MATR3: variants seen among roughly 807,000 people sequenced by gnomAD.
The protein encoded by MATR3 is matrin-3.
In MATR3, 4 loss-of-function variants were observed where a neutral mutation model predicts 85.5. The ratio of observed to expected loss-of-function variants is 0.05; its 90% CI spans 0.02 to 0.11. The LOEUF (loss-of-function observed/expected upper bound fraction) is 0.11. Among genes scored for constraint, MATR3 ranks in the 10% least tolerant of loss-of-function variants. MATR3 has a pLI of 1.00. For synonymous variants in MATR3, 336 were observed against 343.1 expected, an observed-to-expected ratio of 0.98 and a Z score of 0.23; for missense variants, 685 against 1,016.1, an observed-to-expected ratio of 0.67 and a Z score of 4.43.
At chr5:139,274,402 C>T (rs1001267806) in intron 1 of MATR3, 3 of 255,126 alleles carry the variant, frequency 1.2e-5, no homozygotes, top group Admixed American at 4.8e-5. Context: ...CCTCGATCTC[C>T]CAGGGCCAGA....
At chr5:139,304,514 AAG>A (rs1307739669) in intron 1 of MATR3, among the ~76,000 whole-genome samples, 2 of 151,960 alleles carry the variant, frequency 1.3e-5, no homozygotes, top group Non-Finnish European at 2.9e-5. Context: ...AAAAAAAAAA[AAG>A]AATTTGGTTA....
upstream of MATR3, among the ~76,000 whole-genome samples, chr5:139,291,621 C>T (rs1753872473): frequency 6.6e-6 from 1 of 152,210 alleles, no homozygotes; most frequent in Non-Finnish European, 1.5e-5. Flanking sequence ...TCACCGCAAC[C>T]TCCGCCTCCC....
intron 3 of MATR3, chr5:139,283,296 C>T (rs1318648522): frequency 6.6e-6 from 1 of 152,210 alleles, no homozygotes; most frequent in Non-Finnish European, 1.5e-5. Flanking sequence ...GGTAGAACTT[C>T]TCCTTCTCAG....
intron 12 of MATR3, among the ~76,000 whole-genome samples, chr5:139,325,093 T>G (rs1399619251): frequency 1.3e-5 from 2 of 151,710 alleles, no homozygotes; most frequent in African/African-American, 2.4e-5. Context: ...CTCGGGAGGC[T>G]GAGGCAGGAG....
At chr5:139,293,865 G>A (rs1015409903) in intron 1 of MATR3, 60 bp downstream of exon 1, 107 of 647,192 alleles carry the variant, frequency 1.7e-4, no homozygotes, top group Non-Finnish European at 2.4e-4. Flanking sequence ...GTGTCCGCCG[G>A]GAGGGGACAA....
chr5:139,317,035 C>G lies in MATR3; in HGVS notation c.1130-18C>G, dbSNP rs1755284160. 6.2e-7 allele frequency: 1 copy of G among 1,607,502 alleles called. No homozygotes were observed. The highest frequency in any genetic ancestry group is 1.1e-5 in the South Asian group (1 of 90,634). On this transcript the variant is annotated intron_variant, in intron 5 of 14. Coordinates refer to ENST00000394805, the MANE Select transcript of MATR3 (RefSeq NM_018834.6). ...AGTATAGTGATTACAAGACTGAAAACTTTCTCTTCCCATAAAGGTGCTGGA... is the reference window on the plus strand; with the variant it reads ...AGTATAGTGATTACAAGACTGAAAAGTTTCTCTTCCCATAAAGGTGCTGGA...
At chr5:139,325,411 A>G (rs1359968237) in intron 12 of MATR3, 29 bp from the exon 13 acceptor site, 1 of 1,560,554 alleles carries the variant, frequency 6.4e-7, no homozygotes, top group South Asian at 1.2e-5. Context: ...TCTGGTGACA[A>G]AAATGATGAT....
chr5:139,319,888 T>TTTA (rs1425336363), intron 9 of MATR3, among the ~76,000 whole-genome samples: 17 of 106,378 alleles, frequency 1.6e-4, no homozygotes, highest in Non-Finnish European at 2.7e-4. Context: ...TTTTTTTTTT[T>TTTA]AAAGTATATC....
At chr5:139,327,232 CTG>C (rs1420012717) in intron 14 of MATR3, among the ~76,000 whole-genome samples, 1 of 151,160 alleles carries the variant, frequency 6.6e-6, no homozygotes, top group African/African-American at 2.4e-5. Context: ...GATATGTTCT[CTG>C]TTGACTAAAT....
In MATR3 at chr5:139,331,478, T is replaced by C. The variant is rs1448672130; in HGVS notation, c.*2083T>C. The C allele has an allele frequency of 2.2e-6, 1 of 454,110 alleles. No individual in the cohort carries two copies. The highest frequency in any genetic ancestry group is 6.9e-5 in the East Asian group (1 of 14,394). The allele number at this position is 454,110 out of a possible 1,614,324, so 28.1% of individuals were successfully genotyped here. On this transcript the variant is annotated 3_prime_UTR_variant, in exon 15 of 15. Transcript: ENST00000394805. ...TTTAATACCTACATTTGAGAGCATTTAGAAATCAGAAATTATAATAAGCTG... is the reference window on the plus strand; with the variant it reads ...TTTAATACCTACATTTGAGAGCATTCAGAAATCAGAAATTATAATAAGCTG...
chr5:139,298,068 G>T (rs1484567849), intron 1 of MATR3, among the ~76,000 whole-genome samples: 1 of 152,140 alleles, frequency 6.6e-6, no homozygotes, highest in Non-Finnish European at 1.5e-5. Context: ...ATATTAGGGA[G>T]CAGTATTATC....
chr5:139,307,517 G>C lies in MATR3; in HGVS notation c.102G>C (p.Gln34His), dbSNP rs747469006. 1 of 1,614,088 alleles carries C rather than the reference G, an allele frequency of 6.2e-7. No individual in the cohort carries two copies. Among genetic ancestry groups the C allele is most frequent in the Non-Finnish European group, 8.5e-7 (1 of 1,180,006 alleles). ...AGIGLLAAAT[Q>H]SLSMPASLGR... is the part of the protein sequence containing the mutation. ...TAGGCCTTCTTGCTGCTGCTACCCAGTCTTTAAGTATGCCAGCATCTCTTG... is the reference window on the plus strand; with the variant it reads ...TAGGCCTTCTTGCTGCTGCTACCCACTCTTTAAGTATGCCAGCATCTCTTG... Residue 34 changes from glutamine (Q) to histidine (H), a missense_variant, in exon 2 of 15, where the codon CAG (glutamine) becomes CAC (histidine). Physicochemically the swap from Gln to His is conservative, Grantham distance 24. Around this residue, in one of 9 missense-constraint regions of MATR3, gnomAD observed 30 missense variants for 69.5 expected, o/e 0.43. Transcript: ENST00000394805. This position sits in a 1 kb window ranked among gnomAD's most constrained non-coding sequence, Gnocchi z 4.4.
rs1215720434 is a variant in MATR3, at chr5:139,307,003, T to G, written c.-177-236T>G. 6.6e-6 allele frequency among the ~76,000 whole-genome samples: 1 copy of G among 152,210 alleles called. No homozygotes were observed. The highest frequency in any genetic ancestry group is 1.5e-5 in the Non-Finnish European group (1 of 68,040). ...CCTTTCAATTTACATGTTTTTAAAC[T>G]CAGTATGAAAGTCCCTTTAATAGTT... On this transcript the variant is annotated intron_variant, in intron 1 of 14. Coordinates refer to ENST00000394805, the MANE Select transcript of MATR3 (RefSeq NM_018834.6). The surrounding 1 kb of genome is among the most constrained non-coding windows in gnomAD (Gnocchi z 4.4).
intron 2 of MATR3, among the ~76,000 whole-genome samples, chr5:139,277,780 T>TA (rs397783890): frequency 2.1e-5 from 3 of 144,978 alleles, no homozygotes; most frequent in Admixed American, 6.8e-5. Context: ...TTTTTTTTTT[T>TA]AATTGACAGT....
At chr5:139,320,705 T>C (rs1454108244) in intron 9 of MATR3, among the ~76,000 whole-genome samples, 2 of 151,970 alleles carry the variant, frequency 1.3e-5, no homozygotes, top group Non-Finnish European at 2.9e-5. Flanking sequence ...TCCAGACTTT[T>C]ATTTTTCTTA....
chr5:139,321,306 C>T (rs1030714970), intron 9 of MATR3, among the ~76,000 whole-genome samples: 2 of 152,200 alleles, frequency 1.3e-5, no homozygotes, highest in East Asian at 3.9e-4. Flanking sequence ...GCACACTCCA[C>T]CAGGCCCAGC....
Position 139,331,003 on chromosome 5 carries a change from T to C in MATR3, c.*1608T>C. The C allele has an allele frequency of 2.2e-6, 1 of 454,070 alleles. No individual in the cohort carries two copies. The highest frequency in any genetic ancestry group is 4.4e-6 in the Non-Finnish European group (1 of 226,784). The allele number at this position is 454,070 out of a possible 1,614,324, so 28.1% of individuals were successfully genotyped here. A position where few individuals can be genotyped will look rare whatever the true frequency, so the allele number is the denominator to read the frequency against. On this transcript the variant is annotated 3_prime_UTR_variant, in exon 15 of 15. Coordinates refer to ENST00000394805, the MANE Select transcript of MATR3 (RefSeq NM_018834.6). ...ATGGGGCTTTGCCATGTTGCCCAGG[T>C]TGATCTTGAATTCCTGGGCCCAAGT...
intron 3 of MATR3, chr5:139,283,568 C>A (rs930885715): frequency 2.0e-5 from 3 of 152,324 alleles, no homozygotes; most frequent in Non-Finnish European, 2.9e-5. Flanking sequence ...TGACCTCCTT[C>A]TGATTTGTGT....
chr5:139,301,730 G>A (rs1754455304), intron 1 of MATR3, among the ~76,000 whole-genome samples: 1 of 152,162 alleles, frequency 6.6e-6, no homozygotes, highest in African/African-American at 2.4e-5. Flanking sequence ...TCAGGTACAC[G>A]GGGTAACTTT....
Sources: gnomAD v4.1 joint callset for allele counts (sites outside exome capture counted in the v4.1 genomes callset) on GRCh38, gnomAD v4.1.1 for gene constraint, gnomAD v4.1.1 regional missense constraint, Gnocchi (gnomAD v3.1) non-coding constraint, MANE v1.5 for transcripts, NCBI Gene and HGNC (gene_info 2026-07-23, HGNC 2026-07-21) for gene names.